The following SPTLC2 variants were observed in gnomAD, a reference collection of about 807,000 sequenced individuals.
The protein encoded by SPTLC2 is serine palmitoyltransferase long chain base subunit 2.
Under a neutral mutation model 62.0 loss-of-function variants are expected in SPTLC2, and 21 were observed. The observed-to-expected ratio is 0.34, with a 90% CI of 0.24 to 0.49. The LOEUF (loss-of-function observed/expected upper bound fraction) is 0.49. Ranked by LOEUF, SPTLC2 falls within the 20% of genes least tolerant of loss-of-function variation. The pLI, the probability that SPTLC2 is intolerant of heterozygous loss-of-function variation, is 0.99. For synonymous variants in SPTLC2, 261 were observed against 261.8 expected, an observed-to-expected ratio of 1.00 and a Z score of 0.03; for missense variants, 511 against 713.0, an observed-to-expected ratio of 0.72 and a Z score of 3.23.
chr14:77,613,292 A>G (rs1171460162), intron 1 of SPTLC2, among the ~76,000 whole-genome samples: 1 of 152,220 alleles, frequency 6.6e-6, no homozygotes, highest in African/African-American at 2.4e-5. Flanking sequence ...AAAGGACTGA[A>G]TTAAATAAAC....
At chr14:77,568,591 G>A (rs2079659287) in intron 5 of SPTLC2, among the ~76,000 whole-genome samples, 1 of 152,068 alleles carries the variant, frequency 6.6e-6, no homozygotes, top group Non-Finnish European at 1.5e-5. Context: ...GGCAGATCAT[G>A]AGGTCAGGAG....
intron 6 of SPTLC2, 111 bp downstream of exon 6, chr14:77,562,285 A>T: frequency 2.1e-6 from 2 of 942,336 alleles, no homozygotes; most frequent in Non-Finnish European, 3.5e-6. Flanking sequence ...AAATGTTGCT[A>T]CTTTGTCTTC....
rs190114860 is a variant in SPTLC2, at chr14:77,601,437, T to C, written c.133-4057A>G. ...TAACTCCACCGCCTATCCCAAAACC[T>C]ATAAGAACTAATGATAATTCCCGCC... On this transcript the variant is annotated intron_variant, in intron 1 of 11. Transcript: ENST00000216484. 2.0e-4 allele frequency among the ~76,000 whole-genome samples: 30 copies of C among 152,272 alleles called. No homozygotes were observed. The East Asian group carries it at 4.8e-3, about 24-fold the overall frequency.
chr14:77,598,105 A>T lies in SPTLC2; in HGVS notation c.133-725T>A, dbSNP rs186443290. ...CCATTGCACTCCAGCCTGGGAAATA[A>T]GAGCGAAACCCCATCTCAAAAAAAA... On this transcript the variant is annotated intron_variant, in intron 1 of 11. Transcript: ENST00000216484. Among the ~76,000 whole-genome samples the T allele has an allele frequency of 2.1e-3, 304 of 147,252 alleles. 3 individuals are homozygous for T. The highest frequency in any genetic ancestry group is 7.0e-3 in the African/African-American group (282 of 40,148).
intron 9 of SPTLC2, among the ~76,000 whole-genome samples, chr14:77,535,302 C>A (rs1480914250): frequency 6.6e-6 from 1 of 152,076 alleles, no homozygotes; most frequent in Non-Finnish European, 1.5e-5. Context: ...TATGGAACAG[C>A]GAGTGAGGGG....
intron 9 of SPTLC2, among the ~76,000 whole-genome samples, chr14:77,539,994 C>A (rs2079491794): frequency 6.6e-6 from 1 of 151,936 alleles, no homozygotes; most frequent in Non-Finnish European, 1.5e-5. Flanking sequence ...GTCGGGAGTT[C>A]TAGACCAGCC....
At chr14:77,614,975 A>AAAAAAC (rs1196125882) in intron 1 of SPTLC2, among the ~76,000 whole-genome samples, 1 of 151,738 alleles carries the variant, frequency 6.6e-6, no homozygotes, top group Admixed American at 6.6e-5. Context: ...GTCTGAAAAA[A>AAAAAAC]AAAAACAAAA....
chr14:77,590,859 T>C (rs1426936784), intron 2 of SPTLC2, among the ~76,000 whole-genome samples: 1 of 151,968 alleles, frequency 6.6e-6, no homozygotes, highest in Non-Finnish European at 1.5e-5. Context: ...AAAATGGAAG[T>C]GAGGGAACTA....
intron 5 of SPTLC2, among the ~76,000 whole-genome samples, chr14:77,565,368 T>C (rs2079639425): frequency 6.6e-6 from 1 of 151,222 alleles, no homozygotes; most frequent in Non-Finnish European, 1.5e-5. Flanking sequence ...TCCCAAAGTA[T>C]CTCTGCCACA....
At chr14:77,541,527 C>T (rs1230241259) in intron 9 of SPTLC2, among the ~76,000 whole-genome samples, 2 of 152,060 alleles carry the variant, frequency 1.3e-5, no homozygotes, top group African/African-American at 4.8e-5. Context: ...CATTTAGAAG[C>T]GGGGGGTCCA....
At chr14:77,578,191 A>C (rs1193180678) in intron 3 of SPTLC2, among the ~76,000 whole-genome samples, 1 of 152,168 alleles carries the variant, frequency 6.6e-6, no homozygotes, top group East Asian at 1.9e-4. Flanking sequence ...TGTTAAAAAT[A>C]CAAAAAGTTT....
At chr14:77,582,407 T>C (rs2079756785) in intron 2 of SPTLC2, among the ~76,000 whole-genome samples, 1 of 152,162 alleles carries the variant, frequency 6.6e-6, no homozygotes, top group Non-Finnish European at 1.5e-5. Flanking sequence ...TTCAAAGTAT[T>C]AACTCCAATA....
At chr14:77,540,110 C>T (rs1004357649) in intron 9 of SPTLC2, among the ~76,000 whole-genome samples, 2 of 149,546 alleles carry the variant, frequency 1.3e-5, no homozygotes, top group East Asian at 2.0e-4. Flanking sequence ...GCAGGAGAAT[C>T]GCTCGAACCT....
chr14:77,553,983 A>C (rs967247510), intron 8 of SPTLC2, among the ~76,000 whole-genome samples: 1 of 151,866 alleles, frequency 6.6e-6, no homozygotes, highest in Non-Finnish European at 1.5e-5. Flanking sequence ...ACACCCAGCT[A>C]ATTTTTTTAC....
At chr14:77,610,480 C>T (rs1017924805) in intron 1 of SPTLC2, among the ~76,000 whole-genome samples, 1 of 152,018 alleles carries the variant, frequency 6.6e-6, no homozygotes. Context: ...GAGATGGGGT[C>T]TCGCCACGTT....
intron 10 of SPTLC2, among the ~76,000 whole-genome samples, 169 bp from the exon 11 acceptor site, chr14:77,518,336 CT>C (rs1418496996): frequency 6.6e-6 from 1 of 152,184 alleles, no homozygotes; most frequent in African/African-American, 2.4e-5. Context: ...CTCACAAATA[CT>C]TTTAAAGTCA....
chr14:77,560,041 G>A lies in SPTLC2; in HGVS notation c.850+2355C>T, dbSNP rs114292544. Among the ~76,000 whole-genome samples the A allele has an allele frequency of 4.4e-3, 675 of 152,126 alleles. 2 individuals are homozygous for A. Among genetic ancestry groups the A allele is most frequent in the African/African-American group, 0.016 (644 of 41,512 alleles). On this transcript the variant is annotated intron_variant, in intron 6 of 11. Coordinates refer to ENST00000216484, the MANE Select transcript of SPTLC2 (RefSeq NM_004863.4). ...GCTTACAAGTAGAGTTAAAAAAACA[G>A]TAAAAATGCAAAAAGTTGTTCTATA...
At chr14:77,581,730 G>T (rs2079752225) in intron 2 of SPTLC2, among the ~76,000 whole-genome samples, 1 of 151,854 alleles carries the variant, frequency 6.6e-6, no homozygotes, top group South Asian at 2.1e-4. Context: ...TTTTACAACT[G>T]GTTCTAATAG....
intron 5 of SPTLC2, among the ~76,000 whole-genome samples, chr14:77,568,877 T>C (rs1232077228): frequency 6.6e-6 from 1 of 152,194 alleles, no homozygotes; most frequent in Non-Finnish European, 1.5e-5. Context: ...CTACTTCTTT[T>C]AGTTTCATCA....
Sources: gnomAD v4.1 joint callset for allele counts (sites outside exome capture counted in the v4.1 genomes callset) on GRCh38, gnomAD v4.1.1 for gene constraint, MANE v1.5 for transcripts, NCBI Gene and HGNC (gene_info 2026-07-23, HGNC 2026-07-21) for gene names.